Variants in COG5 observed in about 807,000 individuals in gnomAD.
The protein encoded by COG5 is component of oligomeric golgi complex 5.
Under a neutral mutation model 110.4 loss-of-function variants are expected in COG5, and 86 were observed. That is an observed-to-expected ratio of 0.78 (90% confidence interval 0.65 to 0.93). The LOEUF (loss-of-function observed/expected upper bound fraction) is 0.93, where lower values mean the gene tolerates loss of function less well. COG5 is among the 40% of genes least tolerant of loss of function. The probability of loss-of-function intolerance (pLI) is 0.00; values close to 1 mark genes in which losing one functional copy is unlikely to be tolerated. For missense variants in COG5, 1,077 were observed against 987.0 expected (o/e 1.09, Z -1.22); for synonymous variants, 360 against 334.6 (o/e 1.08, Z -0.83).
At chr7:107,557,256 T>C (rs573402540) in intron 2 of COG5, among the ~76,000 whole-genome samples, 1 of 152,274 alleles carries the variant, frequency 6.6e-6, no homozygotes, top group Non-Finnish European at 1.5e-5. Context: ...TGGTAAACAA[T>C]CTATGTTTCA....
intron 3 of COG5, among the ~76,000 whole-genome samples, chr7:107,552,463 A>G (rs1442539314): frequency 6.6e-6 from 1 of 152,194 alleles, no homozygotes; most frequent in Non-Finnish European, 1.5e-5. Flanking sequence ...AAAGTGGGCA[A>G]AAGACATAAA....
At chr7:107,452,816 T>G (rs1795423713) in intron 6 of COG5, among the ~76,000 whole-genome samples, 1 of 152,188 alleles carries the variant, frequency 6.6e-6, no homozygotes, top group Non-Finnish European at 1.5e-5. Context: ...TAGGAAAGGC[T>G]GTCTCTTTGT....
chr7:107,387,913 C>G (rs888147013), intron 7 of COG5, among the ~76,000 whole-genome samples: 2 of 152,234 alleles, frequency 1.3e-5, no homozygotes, highest in Non-Finnish European at 2.9e-5. Context: ...TCTTTTTCTT[C>G]GACTTCAGCA....
intron 6 of COG5, among the ~76,000 whole-genome samples, chr7:107,507,874 C>T (rs112021638): frequency 4.7e-4 from 71 of 152,184 alleles, no homozygotes; most frequent in African/African-American, 1.5e-3. Flanking sequence ...GCTTCTATGA[C>T]GTATTTGGTT....
rs569593901 is a variant in COG5, at chr7:107,289,199, T to C, written c.1314-5467A>G. ...ATTTTGAGTTAATTTTTGTATATGATGTGAAGGGCACCACTTCATTATTTT... is the reference window on the plus strand; with the variant it reads ...ATTTTGAGTTAATTTTTGTATATGACGTGAAGGGCACCACTTCATTATTTT... On this transcript the variant is annotated intron_variant, in intron 12 of 21. Transcript: ENST00000297135. Among the ~76,000 whole-genome samples, 15 of 151,982 alleles carry C rather than the reference T, an allele frequency of 9.9e-5. No homozygotes were observed. The South Asian group carries it at 3.1e-3, about 32-fold the overall frequency.
At chr7:107,386,792 A>G (rs1790240668) in intron 7 of COG5, among the ~76,000 whole-genome samples, 1 of 152,162 alleles carries the variant, frequency 6.6e-6, no homozygotes, top group Non-Finnish European at 1.5e-5. Context: ...AAACAACATT[A>G]TGCACAAGGG....
At chr7:107,356,706 GTATT>G (rs1487628306) in intron 10 of COG5, among the ~76,000 whole-genome samples, 3 of 152,050 alleles carry the variant, frequency 2.0e-5, no homozygotes, top group Non-Finnish European at 4.4e-5. Flanking sequence ...GGGAAAAAAA[GTATT>G]AATTTCTGAA....
rs987201509 is a variant in COG5 at position 107,226,043 on chromosome 7, C to T, written c.2168+4572G>A. ...GGGGGACAAAAGCGAGACATCATCACACACACACAAAAAAACAATAAAAAA... is the reference window on the plus strand; with the variant it reads ...GGGGGACAAAAGCGAGACATCATCATACACACACAAAAAAACAATAAAAAA... On this transcript the variant is annotated intron_variant, in intron 19 of 21. Transcript: ENST00000297135. 2.0e-5 allele frequency among the ~76,000 whole-genome samples: 3 copies of T among 152,004 alleles called. No individual in the cohort carries two copies. The East Asian group carries it at 5.8e-4, about 29-fold the overall frequency.
At chr7:107,311,487 G>A (rs1409838973) in intron 11 of COG5, among the ~76,000 whole-genome samples, 2 of 139,472 alleles carry the variant, frequency 1.4e-5, no homozygotes, top group Non-Finnish European at 3.0e-5. Context: ...TCCGCTTCCC[G>A]GGTTCACGCC....
intron 7 of COG5, among the ~76,000 whole-genome samples, chr7:107,379,276 A>G (rs1584750271): frequency 6.6e-6 from 1 of 152,242 alleles, no homozygotes; most frequent in South Asian, 2.1e-4. Flanking sequence ...AGGAAGCACT[A>G]AATATGGAAA....
At chr7:107,392,320 T>C (rs1433141072) in intron 7 of COG5, among the ~76,000 whole-genome samples, 1 of 152,132 alleles carries the variant, frequency 6.6e-6, no homozygotes, top group Non-Finnish European at 1.5e-5. Flanking sequence ...CCAGGCATTA[T>C]GTTAGGTGTT....
intron 6 of COG5, among the ~76,000 whole-genome samples, chr7:107,508,379 C>T (rs543979080): frequency 6.6e-6 from 1 of 152,312 alleles, no homozygotes; most frequent in South Asian, 2.1e-4. Context: ...CAAAGCAGCC[C>T]CGAAGCTCCA....
At chr7:107,288,754 C>A (rs778318442) in intron 12 of COG5, among the ~76,000 whole-genome samples, 2 of 151,436 alleles carry the variant, frequency 1.3e-5, no homozygotes, top group African/African-American at 4.9e-5. Flanking sequence ...TAATGGTAAT[C>A]CTTTGAAGCA....
chr7:107,438,065 T>C (rs1794472649), intron 6 of COG5, among the ~76,000 whole-genome samples: 1 of 152,144 alleles, frequency 6.6e-6, no homozygotes, highest in South Asian at 2.1e-4. Flanking sequence ...CGCCTGAAGA[T>C]AAAGCAATCT....
intron 6 of COG5, among the ~76,000 whole-genome samples, chr7:107,447,645 A>T (rs1795087387): frequency 6.6e-6 from 1 of 152,174 alleles, no homozygotes; most frequent in Non-Finnish European, 1.5e-5. Flanking sequence ...ACAGTATCTC[A>T]TAATACTCTG....
At chr7:107,492,168 AGT>A (rs61526384) in intron 6 of COG5, among the ~76,000 whole-genome samples, 6,324 of 141,538 alleles carry the variant, frequency 0.045, 178 homozygotes, top group African/African-American at 0.083. Context: ...AACAATGGGT[AGT>A]GTGTGTGTGT....
intron 11 of COG5, among the ~76,000 whole-genome samples, chr7:107,311,748 T>C (rs939029552): frequency 2.0e-5 from 3 of 152,124 alleles, no homozygotes; most frequent in Non-Finnish European, 4.4e-5. Context: ...AGAAGCTTTT[T>C]ATATAATAGA....
intron 6 of COG5, among the ~76,000 whole-genome samples, chr7:107,456,303 A>C (rs1795666997): frequency 6.6e-6 from 1 of 152,254 alleles, no homozygotes; most frequent in Non-Finnish European, 1.5e-5. Flanking sequence ...CATGACAATT[A>C]AGTTGTAAAA....
At chr7:107,350,532 G>A (rs1049804982) in intron 10 of COG5, among the ~76,000 whole-genome samples, 1 of 152,066 alleles carries the variant, frequency 6.6e-6, no homozygotes, top group Non-Finnish European at 1.5e-5. Flanking sequence ...GCATCCTTGA[G>A]AGTCTAAAAG....
Sources: allele counts gnomAD v4.1 joint callset (sites outside exome capture counted in the v4.1 genomes callset), GRCh38; gene constraint gnomAD v4.1.1; transcripts MANE v1.5; gene names NCBI Gene and HGNC (gene_info 2026-07-23, HGNC 2026-07-21).